URI1: variants seen among roughly 807,000 people sequenced by gnomAD.
The protein encoded by URI1 is unconventional prefoldin RPB5 interactor 1.
A neutral mutation model predicts 60.2 loss-of-function variants in URI1; 39 were observed. The ratio of observed to expected loss-of-function variants is 0.65; its 90% CI spans 0.50 to 0.85. The LOEUF (loss-of-function observed/expected upper bound fraction) is 0.85. Ranked by LOEUF, URI1 falls within the 40% of genes least tolerant of loss-of-function variation. URI1 has a pLI of 0.00. For missense variants in URI1, 691 were observed against 665.9 expected, an observed-to-expected ratio of 1.04 and a Z score of -0.42; for synonymous variants, 251 against 236.8, an observed-to-expected ratio of 1.06 and a Z score of -0.55.
chr19:29,962,037 A>G (rs1282923795), intron 1 of URI1, among the ~76,000 whole-genome samples: 1 of 152,066 alleles, frequency 6.6e-6, no homozygotes, highest in East Asian at 1.9e-4. Flanking sequence ...ATCATATGGT[A>G]ATTCTGTGTT....
intron 4 of URI1, among the ~76,000 whole-genome samples, chr19:30,003,020 T>G (rs1007516349): frequency 4.6e-5 from 7 of 152,008 alleles, no homozygotes; most frequent in African/African-American, 7.2e-5. Flanking sequence ...TTTTGGAGAA[T>G]AGAGTACAAA....
upstream of URI1, among the ~76,000 whole-genome samples, chr19:29,941,631 A>G (rs1258442380): frequency 6.6e-6 from 1 of 151,986 alleles, no homozygotes; most frequent in East Asian, 1.9e-4. Context: ...TTAAAAAAAA[A>G]AAAAAAAAAA....
intron 1 of URI1, among the ~76,000 whole-genome samples, chr19:29,944,644 T>C (rs762417967): frequency 1.5e-4 from 23 of 152,170 alleles, no homozygotes; most frequent in African/African-American, 2.9e-4. Flanking sequence ...TCTGTAGACA[T>C]TGACTGTGCT....
chr19:29,971,366 T>A, intron 2 of URI1, 139 bp downstream of exon 2: 1 of 769,936 alleles, frequency 1.3e-6, no homozygotes. Flanking sequence ...CCATTTTGAA[T>A]GCCTTTAATA....
At chr19:29,960,360 T>C (rs2055306306) in intron 1 of URI1, among the ~76,000 whole-genome samples, 1 of 152,212 alleles carries the variant, frequency 6.6e-6, no homozygotes, top group Non-Finnish European at 1.5e-5. Context: ...TTCTATCATT[T>C]ATTGAGATAT....
intron 1 of URI1, among the ~76,000 whole-genome samples, chr19:29,970,023 A>G (rs1258537887): frequency 6.6e-6 from 1 of 151,848 alleles, no homozygotes; most frequent in African/African-American, 2.4e-5. Context: ...TTTGGTACAG[A>G]ATTTCTGTCT....
At chr19:29,963,163 TA>T (rs1339664975) in intron 1 of URI1, among the ~76,000 whole-genome samples, 1 of 152,220 alleles carries the variant, frequency 6.6e-6, no homozygotes, top group East Asian at 1.9e-4. Context: ...GATACTTTGA[TA>T]TCAGTTTTAG....
Position 29,942,250 on chromosome 19 carries a change from C to G in URI1, c.-298C>G, listed in dbSNP as rs1328012689. On this transcript the variant is annotated 5_prime_UTR_variant, in exon 1 of 11. Transcript: ENST00000392271. The stretch of plus-strand genomic sequence containing the variant: ...GCGAGAGGCGGGGCGTGTGGGGAGG[C>G]GCGGCCGCCACGCGACGCCTGGCTG... 2.0e-6 allele frequency: 2 copies of G among 984,692 alleles called. No individual in the cohort carries two copies. Among genetic ancestry groups the G allele is most frequent in the South Asian group, 4.6e-5 (1 of 21,568 alleles). 61.0% of individuals were successfully genotyped at this position (984,692 alleles called of 1,614,324 possible).
chr19:29,951,004 G>C (rs1451579112), intron 1 of URI1, among the ~76,000 whole-genome samples: 2 of 152,192 alleles, frequency 1.3e-5, no homozygotes, highest in African/African-American at 4.8e-5. Context: ...GGTGGCACAA[G>C]CCTATAGTCC....
rs1339771105 is a variant in URI1, at chr19:30,012,375, T to C, written c.1269T>C (p.Thr423=). ...GAGAGAATAGTGTGTGTAGCGACAC[T>C]AGTGAAAGCAGTGCTGCTGAATTTG... ...RSRENSVCSD[T]SESSAAEFDD... The change falls in exon 10 of 11, where the codon ACT becomes ACC. Residue 423 remains threonine, a synonymous_variant. Coordinates refer to ENST00000392271, the MANE Select transcript of URI1 (RefSeq NM_003796.3). The C allele has an allele frequency of 1.2e-6, 2 of 1,614,046 alleles. No individual in the cohort carries two copies. Among genetic ancestry groups the C allele is most frequent in the Non-Finnish European group, 1.7e-6 (2 of 1,180,022 alleles).
chr19:29,986,945 T>G (rs2055679420), intron 4 of URI1, among the ~76,000 whole-genome samples: 1 of 152,164 alleles, frequency 6.6e-6, no homozygotes, highest in Non-Finnish European at 1.5e-5. Context: ...CCCTTATCCT[T>G]TTTCAGTTGT....
At position 30,014,977 on chromosome 19, in the gene URI1, C is replaced by G. The variant is rs775988779; in HGVS notation, c.1516C>G (p.Pro506Ala). Residue 506 changes from proline (P) to alanine (A), a missense_variant, in exon 11 of 11, where the codon CCA becomes GCA. Transcript: ENST00000392271. ...AIAHPALPTI[P>A]ERKEVLLEAS... ...TGCTCATCCCGCACTACCCACTATT[C>G]CAGAACGAAAGGAAGTTCTGTTGGA... 8.7e-6 allele frequency: 14 copies of G among 1,613,632 alleles called. No homozygotes were observed. Among genetic ancestry groups the G allele is most frequent in the Non-Finnish European group, 1.2e-5 (14 of 1,179,782 alleles).
rs335008 is a variant in URI1 at position 29,968,124 on chromosome 19, A to G, written c.118-3069A>G. ...TCTATGTAGGTACATACTTTATTAT[A>G]AATTCTTGAGTGTAAACGAGGTCAT... On this transcript the variant is annotated intron_variant, in intron 1 of 10. Coordinates refer to ENST00000392271, the MANE Select transcript of URI1 (RefSeq NM_003796.3). Among the ~76,000 whole-genome samples, 709 of 152,338 alleles carry G rather than the reference A, an allele frequency of 4.7e-3. 6 individuals are homozygous for G. The highest frequency in any genetic ancestry group is 0.016 in the African/African-American group (672 of 41,584).
chr19:30,012,673 C>T, intron 10 of URI1, 142 bp downstream of exon 10: 1 of 981,742 alleles, frequency 1.0e-6, no homozygotes, highest in South Asian at 1.9e-5. Context: ...TTAATAGTCA[C>T]AAACAGTACA....
chr19:29,987,597 A>G (rs942540115), intron 4 of URI1, among the ~76,000 whole-genome samples: 1 of 152,188 alleles, frequency 6.6e-6, no homozygotes, highest in Non-Finnish European at 1.5e-5. Context: ...TTATATACTG[A>G]AGTAGCTCTG....
At chr19:30,010,993 C>G in intron 8 of URI1, 101 bp from the exon 9 acceptor site, 1 of 1,328,430 alleles carries the variant, frequency 7.5e-7, no homozygotes, top group South Asian at 1.4e-5. Flanking sequence ...TTTCAGCTGC[C>G]TCTCTTACTA....
chr19:29,958,928 C>G (rs1293489104), intron 1 of URI1, among the ~76,000 whole-genome samples: 2 of 150,098 alleles, frequency 1.3e-5, no homozygotes, highest in African/African-American at 4.9e-5. Context: ...CCACTGCACT[C>G]CAGCCTGGGC....
intron 2 of URI1, 58 bp downstream of exon 2, chr19:29,971,285 G>A (rs1343795992): frequency 6.4e-7 from 1 of 1,559,524 alleles, no homozygotes; most frequent in Non-Finnish European, 8.8e-7. Context: ...ACCTACTTGT[G>A]TTCAAATAAT....
intron 1 of URI1, among the ~76,000 whole-genome samples, chr19:29,962,729 T>G (rs916143713): frequency 6.6e-6 from 1 of 152,100 alleles, no homozygotes; most frequent in African/African-American, 2.4e-5. Context: ...AATATCTAGT[T>G]TAATAATTTT....
Sources: gnomAD v4.1 joint callset for allele counts (sites outside exome capture counted in the v4.1 genomes callset) on GRCh38, gnomAD v4.1.1 for gene constraint, MANE v1.5 for transcripts, NCBI Gene and HGNC (gene_info 2026-07-23, HGNC 2026-07-21) for gene names.